LRRC4C: variants seen among roughly 807,000 people sequenced by gnomAD.
LRRC4C encodes the protein leucine rich repeat containing 4C.
Under a neutral mutation model 33.6 loss-of-function variants are expected in LRRC4C, and 5 were observed. That is an observed-to-expected ratio of 0.15 (90% confidence interval 0.08 to 0.31). The LOEUF is 0.31. Among genes scored for constraint, LRRC4C ranks in the 10% least tolerant of loss-of-function variants. The probability of loss-of-function intolerance (pLI) is 1.00; values close to 1 mark genes in which losing one functional copy is unlikely to be tolerated. For synonymous variants in LRRC4C, 329 were observed against 302.0 expected, an observed-to-expected ratio of 1.09 and a Z score of -0.93; for missense variants, 560 against 796.7, an observed-to-expected ratio of 0.70 and a Z score of 3.58.
intron 1 of LRRC4C, among the ~76,000 whole-genome samples, chr11:41,314,922 A>G (rs1478344804): frequency 6.6e-6 from 1 of 152,180 alleles, no homozygotes; most frequent in African/African-American, 2.4e-5. Context: ...TATCTAGTGC[A>G]TATGTCCTGA....
intron 3 of LRRC4C, among the ~76,000 whole-genome samples, chr11:40,508,035 G>T (rs796364506): frequency 2.0e-5 from 3 of 152,236 alleles, no homozygotes; most frequent in African/African-American, 7.2e-5. Flanking sequence ...GGGATTACAG[G>T]TGTGAAACAC....
chr11:40,666,019 G>C (rs1460396745), intron 2 of LRRC4C, among the ~76,000 whole-genome samples: 3 of 151,940 alleles, frequency 2.0e-5, no homozygotes, highest in Non-Finnish European at 4.4e-5. Context: ...TCTATATATA[G>C]GTGTGTGTTC....
chr11:40,921,692 A>G (rs1219177444), intron 2 of LRRC4C, among the ~76,000 whole-genome samples: 1 of 152,242 alleles, frequency 6.6e-6, no homozygotes, highest in Admixed American at 6.5e-5. Context: ...TACAATGTAT[A>G]ATATTCAAAT....
At chr11:40,317,205 G>A (rs1945616510) in intron 4 of LRRC4C, among the ~76,000 whole-genome samples, 1 of 151,396 alleles carries the variant, frequency 6.6e-6, no homozygotes, top group Admixed American at 6.6e-5. Context: ...TTAGGAGCAG[G>A]ACATCCTACT....
rs1469387826 is a variant in LRRC4C, at chr11:41,354,452, G to A, written c.-496+104979C>T. 5.9e-5 allele frequency among the ~76,000 whole-genome samples: 9 copies of A among 152,018 alleles called. No homozygotes were observed. In the East Asian group the frequency reaches 1.7e-3, roughly 29 times the overall value. On this transcript the variant is annotated intron_variant, in intron 1 of 6. Coordinates refer to ENST00000528697, the MANE Select transcript of LRRC4C (RefSeq NM_001258419.2). Reference sequence around the variant, plus strand: ...TTGTTAAAATGGTCAGATGCCCAAAGTAATTGCAGATTCAATGCTATTCCT... The same window carrying A: ...TTGTTAAAATGGTCAGATGCCCAAAATAATTGCAGATTCAATGCTATTCCT...
intron 3 of LRRC4C, among the ~76,000 whole-genome samples, chr11:40,482,891 C>T (rs553504082): frequency 1.4e-3 from 209 of 152,086 alleles, no homozygotes; most frequent in Non-Finnish European, 2.3e-3. Flanking sequence ...AATAGCACAA[C>T]GAAGAGTAAA....
intron 4 of LRRC4C, among the ~76,000 whole-genome samples, chr11:40,290,632 A>C (rs1036476757): frequency 6.6e-6 from 1 of 152,162 alleles, no homozygotes; most frequent in African/African-American, 2.4e-5. Context: ...ACCACCACTC[A>C]CAGGATTAAA....
intron 3 of LRRC4C, among the ~76,000 whole-genome samples, chr11:40,524,650 T>C (rs77363496): frequency 0.04 from 6,037 of 152,306 alleles, 167 homozygotes; most frequent in Non-Finnish European, 0.063. Flanking sequence ...GATTGTATTA[T>C]GTTTGGCTCA....
rs1189461466 is a variant in LRRC4C at position 40,359,828 on chromosome 11, G to A, written c.-269-40107C>T. Reference sequence around the variant, plus strand: ...AAAAATTATCTATTTGAAAATTAGAGTTAGAATTGAAAGAATTTTTGACTA... The same window carrying A: ...AAAAATTATCTATTTGAAAATTAGAATTAGAATTGAAAGAATTTTTGACTA... On this transcript the variant is annotated intron_variant, in intron 3 of 6. Transcript: ENST00000528697. Among the ~76,000 whole-genome samples the A allele has an allele frequency of 3.3e-5, 5 of 152,112 alleles. No homozygotes were observed. In the East Asian group the frequency reaches 9.7e-4, roughly 29 times the overall value.
intron 3 of LRRC4C, among the ~76,000 whole-genome samples, chr11:40,374,503 T>C (rs1948583929): frequency 6.6e-6 from 1 of 152,202 alleles, no homozygotes; most frequent in Non-Finnish European, 1.5e-5. Context: ...TATTGAATAC[T>C]TAATATGTAC....
At chr11:40,125,644 G>C (rs1462554853) in intron 6 of LRRC4C, among the ~76,000 whole-genome samples, 1 of 151,930 alleles carries the variant, frequency 6.6e-6, no homozygotes, top group Non-Finnish European at 1.5e-5. Flanking sequence ...ATAAATATGA[G>C]ACCTTTCAAA....
At chr11:40,283,290 C>T (rs1383395944) in intron 4 of LRRC4C, among the ~76,000 whole-genome samples, 1 of 151,950 alleles carries the variant, frequency 6.6e-6, no homozygotes, top group Non-Finnish European at 1.5e-5. Context: ...ATACACATAC[C>T]CATGTACTTG....
At chr11:41,269,713 C>G (rs1413424627) in intron 1 of LRRC4C, among the ~76,000 whole-genome samples, 2 of 152,106 alleles carry the variant, frequency 1.3e-5, no homozygotes, top group African/African-American at 4.8e-5. Context: ...GACTTTTCCT[C>G]CACTCCTCTG....
intron 1 of LRRC4C, among the ~76,000 whole-genome samples, chr11:41,411,834 T>A (rs1489928547): frequency 5.3e-5 from 8 of 152,116 alleles, no homozygotes; most frequent in African/African-American, 1.9e-4. Flanking sequence ...TTGCCCCAGA[T>A]TCTGTAAGTG....
rs975724289 is a variant in LRRC4C at position 40,135,386 on chromosome 11, C to T, written c.-43+5415G>A. Among the ~76,000 whole-genome samples the T allele has an allele frequency of 8.5e-5, 13 of 152,302 alleles. No homozygotes were observed. In the East Asian group the frequency reaches 2.3e-3, roughly 27 times the overall value. On this transcript the variant is annotated intron_variant, in intron 6 of 6. Coordinates refer to ENST00000528697, the MANE Select transcript of LRRC4C (RefSeq NM_001258419.2). ...TTAGTTACCATGGAATCTTGCAAAA[C>T]TAGGATTCAATTCCAAAATGAATGA...
chr11:40,655,867 A>G (rs1342317597), intron 2 of LRRC4C, among the ~76,000 whole-genome samples: 2 of 152,168 alleles, frequency 1.3e-5, no homozygotes, highest in Non-Finnish European at 2.9e-5. Context: ...GAAACTTACC[A>G]TCATTGTGGA....
intron 2 of LRRC4C, among the ~76,000 whole-genome samples, chr11:40,911,807 A>T (rs1371463405): frequency 6.6e-6 from 1 of 152,208 alleles, no homozygotes; most frequent in Non-Finnish European, 1.5e-5. Context: ...AAAACAGATT[A>T]CACAAATGGC....
chr11:40,967,670 T>C (rs959652914), intron 1 of LRRC4C, among the ~76,000 whole-genome samples: 1 of 152,026 alleles, frequency 6.6e-6, no homozygotes, highest in African/African-American at 2.4e-5. Flanking sequence ...CCACAAATCA[T>C]GCCCATATAA....
Position 40,722,825 on chromosome 11 carries a change from A to G in LRRC4C, c.-406-74547T>C, listed in dbSNP as rs796478710. ...TGGCAAGGAAGTGTAACAAGATCCA[A>G]AGAAAGTTGTCATTCAATTTAGGGA... is the stretch of plus-strand genomic sequence containing the variant. On this transcript the variant is annotated intron_variant, in intron 2 of 6. Transcript: ENST00000528697. Among the ~76,000 whole-genome samples, 5 of 152,320 alleles carry G rather than the reference A, an allele frequency of 3.3e-5. 1 individual carries two copies. Among genetic ancestry groups the G allele is most frequent in the African/African-American group, 1.2e-4 (5 of 41,586 alleles).
Sources: allele counts gnomAD v4.1 joint callset (sites outside exome capture counted in the v4.1 genomes callset), GRCh38; gene constraint gnomAD v4.1.1; transcripts MANE v1.5; gene names NCBI Gene and HGNC (gene_info 2026-07-23, HGNC 2026-07-21).